PCCA: variants seen among roughly 807,000 people sequenced by gnomAD.
The protein encoded by PCCA is propionyl-CoA carboxylase subunit alpha, also known as propionyl-CoA carboxylase alpha chain, mitochondrial.
A neutral mutation model predicts 101.3 loss-of-function variants in PCCA; 74 were observed. The ratio of observed to expected loss-of-function variants is 0.73; its 90% CI spans 0.61 to 0.89. PCCA has a LOEUF of 0.89. Ranked by LOEUF, PCCA falls within the 40% of genes least tolerant of loss-of-function variation. The probability of loss-of-function intolerance (pLI) is 0.00; values close to 1 mark genes in which losing one functional copy is unlikely to be tolerated. For synonymous variants in PCCA, 294 were observed against 313.6 expected, an observed-to-expected ratio of 0.94 and a Z score of 0.66; for missense variants, 891 against 907.0, an observed-to-expected ratio of 0.98 and a Z score of 0.23.
intron 4 of PCCA, among the ~76,000 whole-genome samples, chr13:100,143,559 A>T (rs1399353267): frequency 1.3e-4 from 20 of 151,646 alleles, no homozygotes; most frequent in African/African-American, 2.9e-4. Flanking sequence ...AATAAAAAAA[A>T]AAAATAAAAA....
intron 19 of PCCA, among the ~76,000 whole-genome samples, chr13:100,370,986 T>C (rs1268770994): frequency 6.6e-6 from 1 of 152,190 alleles, no homozygotes; most frequent in Non-Finnish European, 1.5e-5. Flanking sequence ...TCCAGAGTTC[T>C]TCTGTTTAAT....
intron 19 of PCCA, among the ~76,000 whole-genome samples, chr13:100,391,526 A>G (rs2076800836): frequency 6.6e-6 from 1 of 152,132 alleles, no homozygotes; most frequent in Non-Finnish European, 1.5e-5. Flanking sequence ...TGGGGTATCA[A>G]TCCATGTGGT....
At chr13:100,491,177 A>G (rs2084879815) in intron 21 of PCCA, 1 of 153,922 alleles carries the variant, frequency 6.5e-6, no homozygotes, top group African/African-American at 2.4e-5. Flanking sequence ...AGACTGTACG[A>G]GGATTTTTCA....
chr13:100,432,216 A>G (rs545212824), intron 20 of PCCA, among the ~76,000 whole-genome samples: 1 of 152,320 alleles, frequency 6.6e-6, no homozygotes, highest in South Asian at 2.1e-4. Flanking sequence ...ATTTAATGAT[A>G]GTCGTGCTTC....
At chr13:100,155,159 A>AT (rs1555361051) in intron 5 of PCCA, 67 bp downstream of exon 5, 8 of 1,007,930 alleles carry the variant, frequency 7.9e-6, no homozygotes, top group African/African-American at 5.7e-5. Flanking sequence ...TAGAGTTTGT[A>AT]TTTAAAAAAA....
At chr13:100,211,150 G>A (rs1035696404) in intron 7 of PCCA, among the ~76,000 whole-genome samples, 1 of 152,168 alleles carries the variant, frequency 6.6e-6, no homozygotes, top group Non-Finnish European at 1.5e-5. Flanking sequence ...GAAGGATGTG[G>A]TGATGAGATA....
chr13:100,317,284 A>G (rs1489315370), intron 16 of PCCA, among the ~76,000 whole-genome samples: 1 of 152,102 alleles, frequency 6.6e-6, no homozygotes, highest in African/African-American at 2.4e-5. Flanking sequence ...ATTGTAATAT[A>G]TGAGCGATTT....
chr13:100,265,453 T>C (rs2062862352), intron 10 of PCCA, among the ~76,000 whole-genome samples: 1 of 152,176 alleles, frequency 6.6e-6, no homozygotes, highest in Non-Finnish European at 1.5e-5. Context: ...CCTGATTCTG[T>C]AAGTGATCTA....
intron 6 of PCCA, among the ~76,000 whole-genome samples, chr13:100,176,909 C>T (rs1181646374): frequency 6.6e-6 from 1 of 152,012 alleles, no homozygotes; most frequent in Non-Finnish European, 1.5e-5. Context: ...GTAAATTTAC[C>T]TTCTAGATGA....
At chr13:100,505,809 G>A (rs868804152) in intron 21 of PCCA, among the ~76,000 whole-genome samples, 2 of 151,936 alleles carry the variant, frequency 1.3e-5, no homozygotes, top group Non-Finnish European at 2.9e-5. Flanking sequence ...CGAGGCTGCA[G>A]TGAGCCATGC....
At chr13:100,304,381 T>C (rs1007370126) in intron 14 of PCCA, among the ~76,000 whole-genome samples, 7 of 152,264 alleles carry the variant, frequency 4.6e-5, no homozygotes, top group Non-Finnish European at 8.8e-5. Flanking sequence ...TCTATCATTA[T>C]TGCTGGGAGC....
At position 100,330,645 on chromosome 13, in the gene PCCA, C is replaced by A; in HGVS notation, c.1514C>A (p.Ser505Tyr). 1 of 1,608,404 alleles carries A rather than the reference C, an allele frequency of 6.2e-7. No individual in the cohort carries two copies. Among genetic ancestry groups the A allele is most frequent in the Non-Finnish European group, 8.5e-7 (1 of 1,175,084 alleles). ...GGAGACATCAGCACTAAATTTCTCTCCGATGTGTATCCTGATGGCTTCAAA... is the reference window on the plus strand; with the variant it reads ...GGAGACATCAGCACTAAATTTCTCTACGATGTGTATCCTGATGGCTTCAAA... Reference protein sequence around the residue: ...VKGDISTKFLSDVYPDGFKGH... With the variant: ...VKGDISTKFLYDVYPDGFKGH... Residue 505 changes from serine to tyrosine, a missense_variant, in exon 17 of 24, where the codon TCC becomes TAC. Transcript: ENST00000376285.
At chr13:100,408,575 A>G (rs2077826517) in intron 19 of PCCA, among the ~76,000 whole-genome samples, 1 of 152,224 alleles carries the variant, frequency 6.6e-6, no homozygotes, top group African/African-American at 2.4e-5. Context: ...ACAGACAGGC[A>G]AAAGAAAACC....
At chr13:100,427,182 A>G (rs1301653924) in intron 20 of PCCA, among the ~76,000 whole-genome samples, 1 of 152,238 alleles carries the variant, frequency 6.6e-6, no homozygotes, top group African/African-American at 2.4e-5. Context: ...ACGCCATTGC[A>G]CTGCAGCCTG....
At chr13:100,372,543 C>T (rs2075638962) in intron 19 of PCCA, among the ~76,000 whole-genome samples, 1 of 152,070 alleles carries the variant, frequency 6.6e-6, no homozygotes, top group African/African-American at 2.4e-5. Context: ...ATTTTCATCC[C>T]TCCTTTAAAA....
intron 7 of PCCA, among the ~76,000 whole-genome samples, chr13:100,211,782 C>T (rs918692774): frequency 1.3e-5 from 2 of 151,996 alleles, no homozygotes; most frequent in South Asian, 4.1e-4. Flanking sequence ...GTTCTATCAC[C>T]CAGGCTAGAG....
At chr13:100,247,216 T>G (rs1389782626) in intron 8 of PCCA, among the ~76,000 whole-genome samples, 9 of 30,206 alleles carry the variant, frequency 3.0e-4, no homozygotes, top group African/African-American at 1.2e-3. Context: ...CCTGTGTGGG[T>G]TTTTTTTTTT....
At chr13:100,270,242 T>G (rs1270821849) in intron 11 of PCCA, among the ~76,000 whole-genome samples, 1 of 152,118 alleles carries the variant, frequency 6.6e-6, no homozygotes, top group Admixed American at 6.5e-5. Flanking sequence ...TGATCTGAAG[T>G]TAGACACTTA....
chr13:100,409,739 T>C (rs1555449911), intron 19 of PCCA, among the ~76,000 whole-genome samples: 1 of 152,178 alleles, frequency 6.6e-6, no homozygotes, highest in Non-Finnish European at 1.5e-5. Context: ...AGTGTGTCTT[T>C]TAGAGTTGGC....
Sources: gnomAD v4.1 joint callset for allele counts (sites outside exome capture counted in the v4.1 genomes callset) on GRCh38, gnomAD v4.1.1 for gene constraint, MANE v1.5 for transcripts, NCBI Gene and HGNC (gene_info 2026-07-23, HGNC 2026-07-21) for gene names.